TRIOBP: variants seen among roughly 807,000 people sequenced by gnomAD.
The protein encoded by TRIOBP is TRIO and F-actin binding protein, also known as TRIO and F-actin-binding protein.
In TRIOBP, 169 loss-of-function variants were observed where a neutral mutation model predicts 238.8. That is an observed-to-expected ratio of 0.71 (90% CI 0.62 to 0.80). TRIOBP has a LOEUF of 0.80. Among genes scored for constraint, TRIOBP ranks in the 30% least tolerant of loss-of-function variants. The pLI is 0.00. For missense variants in TRIOBP, 2,838 were observed against 3,122.6 expected (o/e 0.91, Z 2.17); for synonymous variants, 1,150 against 1,274.4 (o/e 0.90, Z 2.08).
At chr22:37,706,757 G>C (rs941065150) in intron 3 of TRIOBP, among the ~76,000 whole-genome samples, 2 of 130,196 alleles carry the variant, frequency 1.5e-5, no homozygotes, top group Admixed American at 1.6e-4. Context: ...CACTGCCACA[G>C]CAAGACTATC....
At chr22:37,716,009 G>A in intron 6 of TRIOBP, 75 bp downstream of exon 6, 2 of 1,549,786 alleles carry the variant, frequency 1.3e-6, no homozygotes, top group Non-Finnish European at 1.8e-6. Context: ...CTGGCCATTT[G>A]GGACTCTGGG....
chr22:37,747,316 T>G (rs2145856845), intron 11 of TRIOBP, among the ~76,000 whole-genome samples: 1 of 152,310 alleles, frequency 6.6e-6, no homozygotes, highest in Middle Eastern at 3.4e-3. Context: ...GGGGTGGGGC[T>G]GCTTTTGGTT....
In TRIOBP at chr22:37,724,750, G is replaced by C; in HGVS notation, c.2194G>C (p.Ala732Pro). The C allele has an allele frequency of 6.2e-7, 1 of 1,604,942 alleles. No individual in the cohort carries two copies. The highest frequency in any genetic ancestry group is 8.5e-7 in the Non-Finnish European group (1 of 1,177,556). ...CTGTGCCCGACGGGACAATCCCAGA[G>C]CCTCCTCTCGCAACAGAACCATCCA... ...TSCARRDNPR[A>P]SSRNRTIQRD... Residue 732 changes from alanine (A) to proline (P), a missense_variant, in exon 7 of 24, where the codon GCC (alanine) becomes CCC (proline). By Grantham distance (27) the Ala-to-Pro change is conservative (BLOSUM62 -1). Around this residue, in one of 5 missense-constraint regions of TRIOBP, gnomAD observed 167 missense variants for 200.2 expected, o/e 0.83. Transcript: ENST00000644935.
At chr22:37,700,576 C>G (rs981882866) in intron 2 of TRIOBP, among the ~76,000 whole-genome samples, 2 of 152,094 alleles carry the variant, frequency 1.3e-5, no homozygotes, top group African/African-American at 4.8e-5. Context: ...ACCACCTTGC[C>G]CAGCTAATTT....
At chr22:37,733,784 C>T (rs1220718257) in intron 8 of TRIOBP, among the ~76,000 whole-genome samples, 1 of 150,534 alleles carries the variant, frequency 6.6e-6, no homozygotes, top group Non-Finnish European at 1.5e-5. Flanking sequence ...GATTCTTCTA[C>T]CTCAGCCTCC....
At chr22:37,748,564 AG>A (rs1167902747) in intron 11 of TRIOBP, among the ~76,000 whole-genome samples, 2 of 141,436 alleles carry the variant, frequency 1.4e-5, no homozygotes, top group Non-Finnish European at 3.0e-5. Context: ...GGCCTAGAAC[AG>A]TGCCTGATAA....
intron 17 of TRIOBP, chr22:37,759,591 C>A (rs1302248889): frequency 6.3e-7 from 1 of 1,575,110 alleles, no homozygotes; most frequent in Non-Finnish European, 8.6e-7. Context: ...GCACTTGGAC[C>A]CTTGCCCCGG....
intron 3 of TRIOBP, among the ~76,000 whole-genome samples, chr22:37,703,467 A>G (rs1922765063): frequency 6.8e-6 from 1 of 146,402 alleles, no homozygotes; most frequent in Non-Finnish European, 1.5e-5. Context: ...CTTGACCACC[A>G]TGGCTTCGTC....
At chr22:37,733,277 A>G (rs1924510387) in intron 7 of TRIOBP, 21 bp from the exon 8 acceptor site, 2 of 1,526,264 alleles carry the variant, frequency 1.3e-6, no homozygotes, top group Non-Finnish European at 1.8e-6. Flanking sequence ...CCCTCAGAGG[A>G]GTGGCTGCAT....
intron 11 of TRIOBP, among the ~76,000 whole-genome samples, chr22:37,742,325 C>T (rs1924978339): frequency 6.7e-6 from 1 of 148,474 alleles, no homozygotes; most frequent in Non-Finnish European, 1.5e-5. Flanking sequence ...TGCAGTGGCA[C>T]CATCTCGGCT....
At chr22:37,713,661 G>C (rs1923372982) in intron 5 of TRIOBP, among the ~76,000 whole-genome samples, 1 of 152,218 alleles carries the variant, frequency 6.6e-6, no homozygotes, top group South Asian at 2.1e-4. Context: ...CAGCCGACAG[G>C]AGCTCTGGGT....
chr22:37,706,238 G>T (rs1047176985), intron 3 of TRIOBP, among the ~76,000 whole-genome samples: 1 of 151,980 alleles, frequency 6.6e-6, no homozygotes, highest in Admixed American at 6.6e-5. Context: ...AGATGAGGGG[G>T]AAGTTAGTGA....
Position 37,735,312 on chromosome 22 carries a change from G to A in TRIOBP, c.4976G>A (p.Cys1659Tyr), listed in dbSNP as rs760935571. The A allele has an allele frequency of 1.2e-6, 2 of 1,612,776 alleles. No individual in the cohort carries two copies. The highest frequency in any genetic ancestry group is 1.1e-5 in the South Asian group (1 of 91,076). ...CCGGTCCAGCTGCCCAGCCCTGCCT[G>A]CACCTCCACCCAGTGGCCAAAGATC... The part of the protein sequence containing the change: ...QSPVQLPSPA[C>Y]TSTQWPKIKV... Residue 1659 changes from cysteine to tyrosine, a missense_variant, in exon 9 of 24, where the codon TGC becomes TAC. Around this residue, in one of 5 missense-constraint regions of TRIOBP, gnomAD observed 2,096 missense variants for 2,137.4 expected, o/e 0.98. Coordinates refer to ENST00000644935, the MANE Select transcript of TRIOBP (RefSeq NM_001039141.3).
At chr22:37,759,547 C>CA in intron 17 of TRIOBP, 1 of 1,600,716 alleles carries the variant, frequency 6.2e-7, no homozygotes, top group Non-Finnish European at 8.5e-7. Context: ...CGGCTGACTG[C>CA]AGAGCCTGTG....
chr22:37,736,327 G>A (rs902548675), intron 9 of TRIOBP, among the ~76,000 whole-genome samples: 11 of 152,114 alleles, frequency 7.2e-5, no homozygotes, highest in Admixed American at 1.3e-4. Flanking sequence ...CTTCTCTGAC[G>A]GGCAGCGCTG....
At chr22:37,768,788 T>TGAG (rs2145881391) in intron 19 of TRIOBP, among the ~76,000 whole-genome samples, 1 of 145,612 alleles carries the variant, frequency 6.9e-6, no homozygotes, top group South Asian at 2.2e-4. Flanking sequence ...GCAACAAGAG[T>TGAG]GAGAGCAAGA....
chr22:37,720,694 G>A (rs925857210), intron 6 of TRIOBP, among the ~76,000 whole-genome samples: 13 of 152,090 alleles, frequency 8.5e-5, no homozygotes, highest in Admixed American at 5.9e-4. Flanking sequence ...TTTATTTTTC[G>A]TAGAGATGGG....
At position 37,749,990 on chromosome 22, in the gene TRIOBP, C is replaced by A. The variant is rs1925497628; in HGVS notation, c.5323-1782C>A. Among the ~76,000 whole-genome samples, 7 of 152,214 alleles carry A rather than the reference C, an allele frequency of 4.6e-5. 1 individual carries two copies. In the South Asian group the frequency reaches 1.5e-3, roughly 32 times the overall value. On this transcript the variant is annotated intron_variant, in intron 11 of 23. Transcript: ENST00000644935. The stretch of plus-strand genomic sequence containing the variant: ...ACTCAAATTGGTGACCTTCTATCCC[C>A]AAGGTCACTGTGTCATGGCGTGCCT...
Position 37,725,160 on chromosome 22 carries a change from A to T in TRIOBP, c.2604A>T (p.Ser868=). The T allele has an allele frequency of 6.2e-7, 1 of 1,614,050 alleles. No homozygotes were observed. The highest frequency in any genetic ancestry group is 1.1e-5 in the South Asian group (1 of 91,076). Residue 868 remains serine (S), a synonymous_variant, in exon 7 of 24, where the codon TCA becomes TCT. Transcript: ENST00000644935. ...AACGAGACAACCCTGGAACCTCCTC[A>T]TCTCAATGCTGCACCCAAAAGGAGA... ...SFQRDNPGTS[S]SQCCTQKENL...
Sources: allele counts gnomAD v4.1 joint callset (sites outside exome capture counted in the v4.1 genomes callset), GRCh38; gene constraint gnomAD v4.1.1; regional missense constraint gnomAD v4.1.1; transcripts MANE v1.5; gene names NCBI Gene and HGNC (gene_info 2026-07-23, HGNC 2026-07-21).